Variants in GHR observed in about 807,000 individuals in gnomAD.
The protein encoded by GHR is GH receptor.
A neutral mutation model predicts 67.1 loss-of-function variants in GHR; 35 were observed. The ratio of observed to expected loss-of-function variants is 0.52; its 90% CI spans 0.40 to 0.69. The LOEUF (loss-of-function observed/expected upper bound fraction) is 0.69. Ranked by LOEUF, GHR falls within the 30% of genes least tolerant of loss-of-function variation. GHR has a pLI of 0.00. For synonymous variants in GHR, 272 were observed against 269.1 expected, an observed-to-expected ratio of 1.01 and a Z score of -0.10; for missense variants, 792 against 764.6, an observed-to-expected ratio of 1.04 and a Z score of -0.42.
In GHR at chr5:42,661,522, G is replaced by A. The variant is rs369760529; in HGVS notation, c.137-27368G>A. Among the ~76,000 whole-genome samples the A allele has an allele frequency of 5.9e-5, 9 of 152,146 alleles. No homozygotes were observed. In the East Asian group the frequency reaches 9.7e-4, roughly 16 times the overall value. On this transcript the variant is annotated intron_variant, in intron 3 of 9. Transcript: ENST00000230882. The stretch of plus-strand genomic sequence containing the variant: ...CCAAACTAAGCTTCATAAGTGAAGG[G>A]GAAATAAAATACTTTACAGACAAGC...
intron 1 of GHR, among the ~76,000 whole-genome samples, chr5:42,469,476 GT>G (rs1447393541): frequency 1.3e-5 from 2 of 152,136 alleles, no homozygotes; most frequent in African/African-American, 4.8e-5. Context: ...TGTCCTTGTG[GT>G]GGGAGAGGAC....
chr5:42,466,791 C>T (rs1744752048), intron 1 of GHR: 1 of 833,884 alleles, frequency 1.2e-6, no homozygotes, highest in Admixed American at 3.3e-5. Flanking sequence ...ACATAGGCCT[C>T]ATCTTTATAA....
chr5:42,465,136 A>G (rs1744669198), intron 1 of GHR, among the ~76,000 whole-genome samples: 1 of 152,206 alleles, frequency 6.6e-6, no homozygotes, highest in South Asian at 2.1e-4. Context: ...ATAATCTTTA[A>G]TGAAAAGCAG....
At chr5:42,694,528 T>C (rs1243366708) in intron 4 of GHR, among the ~76,000 whole-genome samples, 1 of 152,198 alleles carries the variant, frequency 6.6e-6, no homozygotes, top group Non-Finnish European at 1.5e-5. Context: ...CCTTCACTGT[T>C]CTCTGGGAAT....
chr5:42,541,482 G>GA lies in GHR; in HGVS notation c.-11-24376dup, dbSNP rs1442923436. On this transcript the variant is annotated intron_variant, in intron 1 of 9. Transcript: ENST00000230882. ...AGATAGTGGGTGAGAGTGGGGTTGG[G>GA]AAAAAATCAGATAGGACTTTCAGAC... is the stretch of plus-strand genomic sequence containing the variant. 3.9e-5 allele frequency among the ~76,000 whole-genome samples: 6 copies of GA among 152,028 alleles called. No homozygotes were observed. In the East Asian group the frequency reaches 1.2e-3, roughly 29 times the overall value.
chr5:42,468,184 G>A, intron 1 of GHR: 2 of 1,399,960 alleles, frequency 1.4e-6, no homozygotes, highest in Non-Finnish European at 2.0e-6. Flanking sequence ...CTCCCCTGGG[G>A]CCCAGACTTT....
chr5:42,505,187 T>C (rs950415852), intron 1 of GHR, among the ~76,000 whole-genome samples: 10 of 151,662 alleles, frequency 6.6e-5, no homozygotes, highest in African/African-American at 2.4e-4. Flanking sequence ...AAATCTATTA[T>C]ACTTTGAACT....
chr5:42,712,903 T>C (rs867247088), intron 7 of GHR, among the ~76,000 whole-genome samples: 1 of 151,262 alleles, frequency 6.6e-6, no homozygotes, highest in African/African-American at 2.4e-5. Context: ...AATACGTATA[T>C]TTATAGCTGT....
intron 3 of GHR, among the ~76,000 whole-genome samples, chr5:42,684,125 C>A (rs1757022584): frequency 6.6e-6 from 1 of 152,098 alleles, no homozygotes. Flanking sequence ...TGTTTCAATT[C>A]AAATGCCAAA....
intron 1 of GHR, among the ~76,000 whole-genome samples, chr5:42,494,485 C>T (rs537278992): frequency 6.6e-5 from 10 of 152,138 alleles, no homozygotes; most frequent in South Asian, 4.1e-4. Flanking sequence ...CAAGCATGGA[C>T]GGATATATGA....
intron 1 of GHR, among the ~76,000 whole-genome samples, chr5:42,540,774 C>T (rs770452902): frequency 7.2e-5 from 11 of 152,216 alleles, no homozygotes; most frequent in East Asian, 1.9e-4. Flanking sequence ...CTACATTGCC[C>T]ATGATCAACC....
At chr5:42,562,530 G>T (rs989102377) in intron 1 of GHR, among the ~76,000 whole-genome samples, 16 of 151,734 alleles carry the variant, frequency 1.1e-4, no homozygotes, top group Non-Finnish European at 1.9e-4. Flanking sequence ...TGCTGTAAGA[G>T]TATGCAAACA....
chr5:42,650,282 T>C (rs7721081), intron 3 of GHR, among the ~76,000 whole-genome samples: 128,177 of 151,988 alleles, frequency 0.84, 54,217 homozygotes, highest in East Asian at 1. Context: ...GCTTGCATTA[T>C]ATTCACTATC....
At chr5:42,534,161 T>C (rs1198819604) in intron 1 of GHR, among the ~76,000 whole-genome samples, 1 of 96,668 alleles carries the variant, frequency 1.0e-5, no homozygotes, top group Non-Finnish European at 2.3e-5. Context: ...TGTATATATA[T>C]GTACATATGT....
At chr5:42,606,922 A>T (rs1232637971) in intron 2 of GHR, among the ~76,000 whole-genome samples, 3 of 152,046 alleles carry the variant, frequency 2.0e-5, no homozygotes, top group Non-Finnish European at 4.4e-5. Flanking sequence ...ATAATTGCAA[A>T]TGCTGAGCCT....
intron 3 of GHR, among the ~76,000 whole-genome samples, chr5:42,647,347 G>T (rs1467003187): frequency 6.6e-6 from 1 of 151,986 alleles, no homozygotes; most frequent in Non-Finnish European, 1.5e-5. Context: ...GGCCGAGGCG[G>T]GTGGATCACG....
chr5:42,432,613 A>G (rs78007136), intron 1 of GHR, among the ~76,000 whole-genome samples: 5,626 of 152,304 alleles, frequency 0.037, 164 homozygotes, highest in Non-Finnish European at 0.051. Context: ...GCATATGTGA[A>G]TGATAAATTC....
intron 1 of GHR, among the ~76,000 whole-genome samples, chr5:42,561,273 CCTT>C (rs1419070486): frequency 4.6e-5 from 7 of 152,168 alleles, no homozygotes; most frequent in Non-Finnish European, 8.8e-5. Context: ...CGGGTATGCT[CCTT>C]CTTTTCACAG....
intron 1 of GHR, among the ~76,000 whole-genome samples, chr5:42,452,213 G>T (rs969062554): frequency 2.6e-5 from 4 of 152,132 alleles, no homozygotes; most frequent in African/African-American, 9.7e-5. Flanking sequence ...TGTTTAAGGG[G>T]GCTAAAGATA....
Sources: allele counts gnomAD v4.1 joint callset (sites outside exome capture counted in the v4.1 genomes callset), GRCh38; gene constraint gnomAD v4.1.1; transcripts MANE v1.5; gene names NCBI Gene and HGNC (gene_info 2026-07-23, HGNC 2026-07-21).